Variants in ARL13B observed in about 807,000 individuals in gnomAD.
The protein encoded by ARL13B is ADP-ribosylation factor-like protein 13B.
ARL13B carries 36 observed loss-of-function variants against 56.1 expected under a neutral mutation model. The ratio of observed to expected loss-of-function variants is 0.64; its 90% CI spans 0.49 to 0.85. The LOEUF (loss-of-function observed/expected upper bound fraction) is 0.85. Among genes scored for constraint, ARL13B ranks in the 40% least tolerant of loss-of-function variants. The probability of loss-of-function intolerance (pLI) is 0.00; values close to 1 mark genes in which losing one functional copy is unlikely to be tolerated. For synonymous variants in ARL13B, 178 were observed against 171.1 expected, an observed-to-expected ratio of 1.04 and a Z score of -0.32; for missense variants, 519 against 507.1, an observed-to-expected ratio of 1.02 and a Z score of -0.23.
chr3:94,049,482 T>G lies in ARL13B; in HGVS notation c.1101T>G (p.Cys367Trp). The part of the protein sequence containing the change: ...HRVEPLNIDD[C>W]APESPTPPPP... ...TAGAACCACTTAATATAGATGACTG[T>G]GCTCCTGAGAGTCCAACGCCACCCC... Residue 367 changes from cysteine (C) to tryptophan (W), a missense_variant, in exon 8 of 10, where the codon TGT (cysteine) becomes TGG (tryptophan). By Grantham distance (215) the Cys-to-Trp change is radical (BLOSUM62 -2). Transcript: ENST00000394222. 1 of 1,611,904 alleles carries G rather than the reference T, an allele frequency of 6.2e-7. No individual in the cohort carries two copies. Among genetic ancestry groups the G allele is most frequent in the Non-Finnish European group, 8.5e-7 (1 of 1,179,166 alleles).
chr3:94,000,022 G>C (rs566885179), intron 2 of ARL13B, among the ~76,000 whole-genome samples: 1 of 152,244 alleles, frequency 6.6e-6, no homozygotes, highest in South Asian at 2.1e-4. Flanking sequence ...AGAGGTAAAG[G>C]GTAAGGGGAG....
At chr3:93,995,781 C>T (rs2075955535) in intron 1 of ARL13B, 93 bp from the exon 2 acceptor site, 2 of 1,179,124 alleles carry the variant, frequency 1.7e-6, no homozygotes, top group Admixed American at 4.0e-5. Flanking sequence ...ATAGGTGCTC[C>T]TTAAATGTTG....
At chr3:94,035,485 A>G (rs751860182) in intron 4 of ARL13B, 49 bp downstream of exon 4, 207 of 1,299,302 alleles carry the variant, frequency 1.6e-4, no homozygotes, top group Non-Finnish European at 2.1e-4. Context: ...CCTTTCAAAT[A>G]GGTTCAGTAT....
At chr3:94,034,690 T>G (rs1449625543) in intron 3 of ARL13B, among the ~76,000 whole-genome samples, 1 of 152,190 alleles carries the variant, frequency 6.6e-6, no homozygotes, top group Non-Finnish European at 1.5e-5. Context: ...TTTAAGAAGA[T>G]AAGAATATAA....
At chr3:94,044,142 C>G (rs561793009) in intron 7 of ARL13B, among the ~76,000 whole-genome samples, 6 of 151,836 alleles carry the variant, frequency 4.0e-5, no homozygotes, top group African/African-American at 1.5e-4. Context: ...AGGAGCCCCT[C>G]TGCCCGGCTG....
intron 2 of ARL13B, among the ~76,000 whole-genome samples, chr3:94,000,669 C>G (rs529476068): frequency 5.6e-4 from 85 of 151,826 alleles, no homozygotes; most frequent in Non-Finnish European, 9.6e-4. Flanking sequence ...CCCCAATAGA[C>G]TAAGAGCTCT....
At position 94,053,620 on chromosome 3, in the gene ARL13B, A is replaced by G. The variant is rs561009587; in HGVS notation, c.*357A>G. ...TTCTTTACTATTTGTTCAATAGCCT[A>G]TATTTCTAGATATTAAATATTTTTT... On this transcript the variant is annotated 3_prime_UTR_variant, in exon 10 of 10. Transcript: ENST00000394222. The G allele has an allele frequency of 2.5e-4, 115 of 454,936 alleles. No homozygotes were observed. Among genetic ancestry groups the G allele is most frequent in the African/African-American group, 7.8e-4 (39 of 50,276 alleles). The allele number at this position is 454,936 out of a possible 1,614,324, so 28.2% of individuals were successfully genotyped here. A position where few individuals can be genotyped will look rare whatever the true frequency, so the allele number is the denominator to read the frequency against.
At chr3:94,020,732 A>T (rs377329961) in intron 3 of ARL13B, among the ~76,000 whole-genome samples, 1 of 152,210 alleles carries the variant, frequency 6.6e-6, no homozygotes, top group Non-Finnish European at 1.5e-5. Context: ...CCGGTGGGAA[A>T]CATTTAAGAG....
chr3:94,010,159 C>A (rs1024508633), intron 3 of ARL13B, among the ~76,000 whole-genome samples: 2 of 152,018 alleles, frequency 1.3e-5, no homozygotes, highest in African/African-American at 4.8e-5. Flanking sequence ...CAGAAAGGCC[C>A]TAAGTAGGTT....
intron 1 of ARL13B, among the ~76,000 whole-genome samples, chr3:93,990,003 T>TGTTTTGTTTTGTTTC (rs1224943459): frequency 7.5e-4 from 112 of 149,520 alleles, no homozygotes; most frequent in African/African-American, 2.7e-3. Context: ...TTTTTTGTTT[T>TGTTTTGTTTTGTTTC]GTTTTGTTTT....
At chr3:94,007,740 G>A (rs565207667) in intron 3 of ARL13B, among the ~76,000 whole-genome samples, 1 of 152,266 alleles carries the variant, frequency 6.6e-6, no homozygotes, top group East Asian at 1.9e-4. Context: ...AGATTTGGGT[G>A]GTGACACAGA....
chr3:93,986,096 T>A (rs1710448621), intron 1 of ARL13B, among the ~76,000 whole-genome samples: 1 of 152,230 alleles, frequency 6.6e-6, no homozygotes, highest in African/African-American at 2.4e-5. Flanking sequence ...TGCTGTATGC[T>A]GAACTGGAAT....
At chr3:94,043,781 C>T (rs116637665) in intron 7 of ARL13B, among the ~76,000 whole-genome samples, 6,371 of 142,268 alleles carry the variant, frequency 0.045, 208 homozygotes, top group Middle Eastern at 0.083. Flanking sequence ...CCTTAGCCTG[C>T]CGAGTGCCTG....
intron 5 of ARL13B, 79 bp from the exon 6 acceptor site, chr3:94,039,801 T>G: frequency 8.6e-7 from 1 of 1,160,946 alleles, no homozygotes; most frequent in Middle Eastern, 1.9e-4. Flanking sequence ...TGTAATAGCC[T>G]TATACCTATT....
intron 1 of ARL13B, among the ~76,000 whole-genome samples, chr3:93,981,550 TTGAA>T (rs903075815): frequency 6.6e-6 from 1 of 151,944 alleles, no homozygotes; most frequent in African/African-American, 2.4e-5. Flanking sequence ...CTAACTGAAT[TTGAA>T]TGTTTTAAAT....
chr3:93,997,726 G>A (rs779544905), intron 2 of ARL13B, among the ~76,000 whole-genome samples: 2 of 152,164 alleles, frequency 1.3e-5, no homozygotes, highest in Admixed American at 6.5e-5. Flanking sequence ...GCTCACACCT[G>A]TAATAATCCC....
chr3:94,012,979 A>G (rs1241639439), intron 3 of ARL13B, among the ~76,000 whole-genome samples: 5 of 152,118 alleles, frequency 3.3e-5, no homozygotes, highest in Non-Finnish European at 7.4e-5. Context: ...TGAACTTCAG[A>G]CTTCTTTCCA....
chr3:94,035,376 T>C lies in ARL13B; in HGVS notation c.426T>C (p.Asp142=), dbSNP rs2076748842. ...QDKEGALGEA[D]VIECLSLEKL... The stretch of plus-strand genomic sequence containing the variant: ...AAGAAGGAGCTTTAGGAGAAGCTGA[T>C]GTCATTGAATGTCTATCTCTGGAAA... Residue 142 remains aspartate, a synonymous_variant, in exon 4 of 10, where the codon GAT becomes GAC. Transcript: ENST00000394222. 2 of 1,609,476 alleles carry C rather than the reference T, an allele frequency of 1.2e-6. No homozygotes were observed. The highest frequency in any genetic ancestry group is 1.7e-6 in the Non-Finnish European group (2 of 1,178,838).
chr3:94,049,571 A>C, intron 8 of ARL13B, 49 bp downstream of exon 8: 1 of 1,251,446 alleles, frequency 8.0e-7, no homozygotes, highest in Non-Finnish European at 1.2e-6. Context: ...GCTTTAAACA[A>C]CAGAGAAAAA....
Sources: gnomAD v4.1 joint callset for allele counts (sites outside exome capture counted in the v4.1 genomes callset) on GRCh38, gnomAD v4.1.1 for gene constraint, MANE v1.5 for transcripts, NCBI Gene and HGNC (gene_info 2026-07-23, HGNC 2026-07-21) for gene names.